The following ANKRD30A variants were observed in gnomAD, a reference collection of about 807,000 sequenced individuals.
ANKRD30A encodes the protein ankyrin repeat domain-containing protein 30A.
In ANKRD30A, 170 loss-of-function variants were observed where a neutral mutation model predicts 166.3. That is an observed-to-expected ratio of 1.02 (90% CI 0.90 to 1.16). ANKRD30A has a LOEUF of 1.16. ANKRD30A is among the 50% of genes most tolerant of loss of function. The pLI, the probability that ANKRD30A is intolerant of heterozygous loss-of-function variation, is 0.00. For synonymous variants in ANKRD30A, 564 were observed against 508.9 expected (o/e 1.11, Z -1.46); for missense variants, 1,630 against 1,518.0 (o/e 1.07, Z -1.23).
At chr10:37,233,052 C>T (rs1334543681), downstream of ANKRD30A, among the ~76,000 whole-genome samples, 1 of 151,892 alleles carries the variant, frequency 6.6e-6, no homozygotes, top group Non-Finnish European at 1.5e-5. Flanking sequence ...TTCATAATCT[C>T]TTTAATGCAG....
At chr10:37,240,448 T>TC in the ANKRD30A span, among the ~76,000 whole-genome samples, 1,440 of 152,278 alleles carry the variant, frequency 9.5e-3, 30 homozygotes, top group African/African-American at 0.033. Context: ...ATTTTAAATC[T>TC]CCAGTCTTTG....
At chr10:37,128,229 T>C (rs1836167339) in intron 1 of ANKRD30A, among the ~76,000 whole-genome samples, 1 of 152,098 alleles carries the variant, frequency 6.6e-6, no homozygotes, top group Non-Finnish European at 1.5e-5. Context: ...TATAAAATGT[T>C]TTTCCTTTTT....
intron 34 of ANKRD30A, among the ~76,000 whole-genome samples, chr10:37,230,941 T>C (rs1272666260): frequency 6.6e-6 from 1 of 152,136 alleles, no homozygotes; most frequent in Non-Finnish European, 1.5e-5. Flanking sequence ...GCTTTAGTTC[T>C]TTTTGATCTC....
chr10:37,167,491 A>G (rs1839449936), intron 19 of ANKRD30A, among the ~76,000 whole-genome samples: 1 of 151,692 alleles, frequency 6.6e-6, no homozygotes, highest in Non-Finnish European at 1.5e-5. Flanking sequence ...CTCTGAATTT[A>G]TGACTTGAAT....
rs572794501 is a variant in ANKRD30A, at chr10:37,167,753, T to A, written c.2155+1058T>A. On this transcript the variant is annotated intron_variant, in intron 19 of 35. Coordinates refer to ENST00000361713, the MANE Select transcript of ANKRD30A (RefSeq NM_052997.3). Reference sequence around the variant, plus strand: ...ATATGGGTATGAAAATCAAGGAATATTTATATTTAATATTATGCTCTAAGT... The same window carrying A: ...ATATGGGTATGAAAATCAAGGAATAATTATATTTAATATTATGCTCTAAGT... Among the ~76,000 whole-genome samples the A allele has an allele frequency of 5.6e-4, 85 of 151,424 alleles. 1 individual carries two copies. The highest frequency in any genetic ancestry group is 2.0e-3 in the African/African-American group (84 of 40,986).
chr10:37,251,180 C>T, the ANKRD30A span, among the ~76,000 whole-genome samples: 1 of 152,118 alleles, frequency 6.6e-6, no homozygotes, highest in African/African-American at 2.4e-5. Context: ...AGAGTAGGGG[C>T]TGCTATTGAG....
intron 29 of ANKRD30A, among the ~76,000 whole-genome samples, chr10:37,199,003 C>T (rs1034560933): frequency 7.9e-5 from 12 of 152,000 alleles, no homozygotes; most frequent in East Asian, 1.9e-4. Flanking sequence ...CATGTGGGAA[C>T]GTTGGATTAC....
At chr10:37,137,833 C>T (rs1056615499) in intron 6 of ANKRD30A, among the ~76,000 whole-genome samples, 1 of 152,190 alleles carries the variant, frequency 6.6e-6, no homozygotes, top group Non-Finnish European at 1.5e-5. Flanking sequence ...GCAGAATCTG[C>T]AGACTTAAAT....
chr10:37,193,094 T>G lies in ANKRD30A; in HGVS notation c.2541+2T>G. The G allele has an allele frequency of 6.2e-7, 1 of 1,604,972 alleles. No homozygotes were observed. Among genetic ancestry groups the G allele is most frequent in the Non-Finnish European group, 8.5e-7 (1 of 1,172,640 alleles). ...CCTGATAATGATGGTTTTCTGAAGG[T>G]AATAACTTTTATATTTTTATCTTGA... On this transcript the variant is annotated splice_donor_variant, in intron 26 of 35. Coordinates refer to ENST00000361713, the MANE Select transcript of ANKRD30A (RefSeq NM_052997.3). LOFTEE classifies it high-confidence loss of function.
At chr10:37,221,506 A>C (rs1012381976) in intron 34 of ANKRD30A, among the ~76,000 whole-genome samples, 2 of 151,290 alleles carry the variant, frequency 1.3e-5, no homozygotes, top group African/African-American at 4.8e-5. Context: ...CCAACAGTGA[A>C]TCTATAGCTG....
chr10:37,217,740 AT>A lies in ANKRD30A; in HGVS notation c.3131del (p.Leu1044Ter). On this transcript the variant is annotated frameshift_variant, in exon 33 of 36. Coordinates refer to ENST00000361713, the MANE Select transcript of ANKRD30A (RefSeq NM_052997.3). LOFTEE classifies it high-confidence loss of function. ...AAGAGAAGAGAAGAAATGCCGATAT[AT>A]TAAATGAAAAAATTAGGGAAGAATT... ...EEEKRRNADI[L>X]NEKIREELGR... 6.3e-7 allele frequency: 1 copy of A among 1,595,114 alleles called. No individual in the cohort carries two copies. The highest frequency in any genetic ancestry group is 8.5e-7 in the Non-Finnish European group (1 of 1,171,424).
intron 31 of ANKRD30A, among the ~76,000 whole-genome samples, chr10:37,202,511 A>T (rs1464275107): frequency 2.6e-5 from 4 of 152,194 alleles, no homozygotes; most frequent in Non-Finnish European, 4.4e-5. Context: ...AATTTATAGC[A>T]CTAAATGCCC....
chr10:37,148,916 T>C (rs1171632132), intron 9 of ANKRD30A, among the ~76,000 whole-genome samples: 2 of 152,068 alleles, frequency 1.3e-5, no homozygotes, highest in Non-Finnish European at 2.9e-5. Flanking sequence ...AATAATAAGA[T>C]TGCTTTTTAA....
chr10:37,197,415 T>A lies in ANKRD30A; in HGVS notation c.2651T>A (p.Ile884Asn), dbSNP rs530049021. Reference protein sequence around the residue: ...PEKPSAFEPAIEMQKSVPNKA... With the variant: ...PEKPSAFEPANEMQKSVPNKA... Reference sequence around the variant, plus strand: ...GCTTCCAACCCCATTTAGCCTGCCATTGAAATGCAAAAGTCTGTTCCAAAT... The same window carrying A: ...GCTTCCAACCCCATTTAGCCTGCCAATGAAATGCAAAAGTCTGTTCCAAAT... Residue 884 changes from isoleucine (I) to asparagine (N), a missense_variant, in exon 29 of 36, where the codon ATT becomes AAT. Ile to Asn is a moderately radical substitution (Grantham distance 149, BLOSUM62 -3). Transcript: ENST00000361713. The A allele has an allele frequency of 2.7e-5, 44 of 1,612,510 alleles. No individual in the cohort carries two copies. The highest frequency in any genetic ancestry group is 3.7e-5 in the Non-Finnish European group (44 of 1,179,710).
At chr10:37,194,932 G>A (rs1465432658) in intron 27 of ANKRD30A, among the ~76,000 whole-genome samples, 1 of 151,988 alleles carries the variant, frequency 6.6e-6, no homozygotes, top group East Asian at 1.9e-4. Context: ...TAAAATACAC[G>A]AATTGGAAAA....
Position 37,142,089 on chromosome 10 carries a change from C to T in ANKRD30A, c.1192C>T (p.Pro398Ser). ...KEDTPREIMS[P>S]AKETSEKFTW... ...AGACACACCTAGGGAAATTATGAGT[C>T]CCGCAAAAGAAACATCTGAGAAATT... The change falls in exon 7 of 36, where the codon CCC becomes TCC. Residue 398 changes from proline to serine, a missense_variant. Transcript: ENST00000361713. 1 of 1,610,558 alleles carries T rather than the reference C, an allele frequency of 6.2e-7. No homozygotes were observed. The highest frequency in any genetic ancestry group is 8.5e-7 in the Non-Finnish European group (1 of 1,178,924).
rs545896120 is a variant in ANKRD30A, at chr10:37,231,561, A to C, written c.*92A>C. Reference sequence around the variant, plus strand: ...AGGAGGCCAGTCCTAGCATCACCTTATGTTGAAAATCTTACCAATAGTCTG... The same window carrying C: ...AGGAGGCCAGTCCTAGCATCACCTTCTGTTGAAAATCTTACCAATAGTCTG... On this transcript the variant is annotated 3_prime_UTR_variant, in exon 35 of 36. Transcript: ENST00000361713. The C allele has an allele frequency of 1.0e-3, 1,036 of 1,032,140 alleles. 1 individual carries two copies. Among genetic ancestry groups the C allele is most frequent in the Non-Finnish European group, 1.2e-3 (876 of 719,860 alleles). 63.9% of individuals were successfully genotyped at this position (1,032,140 alleles called of 1,614,324 possible).
the ANKRD30A span, among the ~76,000 whole-genome samples, chr10:37,243,402 C>G: frequency 6.6e-6 from 1 of 151,986 alleles, no homozygotes; most frequent in Admixed American, 6.6e-5. Context: ...CCTCGGCCTC[C>G]CAAAGTTCTG....
chr10:37,233,945 A>G (rs943667276), downstream of ANKRD30A, among the ~76,000 whole-genome samples: 1 of 152,204 alleles, frequency 6.6e-6, no homozygotes, highest in Non-Finnish European at 1.5e-5. Context: ...TTAAAATAGC[A>G]TTGATACTGA....
Sources: allele counts gnomAD v4.1 joint callset (sites outside exome capture counted in the v4.1 genomes callset), GRCh38; gene constraint gnomAD v4.1.1; transcripts MANE v1.5; gene names NCBI Gene and HGNC (gene_info 2026-07-23, HGNC 2026-07-21).